The following HS6ST3 variants were observed in gnomAD, a reference collection of about 807,000 sequenced individuals.
HS6ST3 encodes heparan sulfate 6-O-sulfotransferase 3.
HS6ST3 carries 12 observed loss-of-function variants against 36.7 expected under a neutral mutation model. The ratio of observed to expected loss-of-function variants is 0.33; its 90% CI spans 0.21 to 0.53. The LOEUF is 0.53. Among genes scored for constraint, HS6ST3 ranks in the 20% least tolerant of loss-of-function variants. The pLI, the probability that HS6ST3 is intolerant of heterozygous loss-of-function variation, is 0.95. For synonymous variants in HS6ST3, 240 were observed against 257.5 expected, an observed-to-expected ratio of 0.93 and a Z score of 0.65; for missense variants, 584 against 640.9, an observed-to-expected ratio of 0.91 and a Z score of 0.96.
chr13:96,706,237 G>T (rs1875419082), intron 1 of HS6ST3, among the ~76,000 whole-genome samples: 1 of 151,816 alleles, frequency 6.6e-6, no homozygotes, highest in Admixed American at 6.6e-5. Flanking sequence ...ATGAACATTA[G>T]TTCCCGGATG....
intron 1 of HS6ST3, among the ~76,000 whole-genome samples, chr13:96,276,665 T>C (rs1364204516): frequency 1.3e-5 from 2 of 152,224 alleles, no homozygotes; most frequent in Non-Finnish European, 2.9e-5. Flanking sequence ...ATAAGCTCTA[T>C]AATCTTTATT....
chr13:96,482,863 T>A (rs1254196379), intron 1 of HS6ST3, among the ~76,000 whole-genome samples: 2 of 152,230 alleles, frequency 1.3e-5, no homozygotes, highest in East Asian at 3.8e-4. Context: ...CTTTAAGTGA[T>A]TAATTTTTCT....
chr13:96,704,826 A>G (rs1875378486), intron 1 of HS6ST3, among the ~76,000 whole-genome samples: 1 of 152,218 alleles, frequency 6.6e-6, no homozygotes, highest in African/African-American at 2.4e-5. Context: ...TGAGGTTTCT[A>G]TCAGGGATGG....
At chr13:96,554,684 G>C (rs1266544986) in intron 1 of HS6ST3, among the ~76,000 whole-genome samples, 2 of 152,174 alleles carry the variant, frequency 1.3e-5, no homozygotes, top group South Asian at 2.1e-4. Flanking sequence ...TCCAGGCATG[G>C]AGCCTAGGGC....
chr13:96,741,912 T>G lies in HS6ST3; in HGVS notation c.708-90578T>G, dbSNP rs1311537967. Reference sequence around the variant, plus strand: ...GAATACGGGGGTCTGATGACCACACTGCTCCATCCCCTCTTCCCATTCATG... The same window carrying G: ...GAATACGGGGGTCTGATGACCACACGGCTCCATCCCCTCTTCCCATTCATG... On this transcript the variant is annotated intron_variant, in intron 1 of 1. Coordinates refer to ENST00000376705, the MANE Select transcript of HS6ST3 (RefSeq NM_153456.4). 3.3e-5 allele frequency among the ~76,000 whole-genome samples: 5 copies of G among 152,158 alleles called. 1 individual carries two copies. The highest frequency in any genetic ancestry group is 2.0e-4 in the Admixed American group (3 of 15,262).
Position 96,839,399 on chromosome 13 carries a change from A to G in HS6ST3, c.*6201A>G, listed in dbSNP as rs1879015264. ...AAGAGATATTTCCTTTTATTTCTGTACAATAATATGTATGAACTCAGTTAC... is the reference window on the plus strand; with the variant it reads ...AAGAGATATTTCCTTTTATTTCTGTGCAATAATATGTATGAACTCAGTTAC... On this transcript the variant is annotated 3_prime_UTR_variant, in exon 2 of 2. Transcript: ENST00000376705. The G allele has an allele frequency of 6.6e-6, 1 of 152,200 alleles. No individual in the cohort carries two copies. 9.4% of individuals were successfully genotyped at this position (152,200 alleles called of 1,614,324 possible).
At chr13:96,306,726 T>C (rs114351784) in intron 1 of HS6ST3, among the ~76,000 whole-genome samples, 8 of 152,132 alleles carry the variant, frequency 5.3e-5, no homozygotes, top group Admixed American at 2.0e-4. Flanking sequence ...TGTGTGCACA[T>C]TGATAGCTTC....
chr13:96,327,031 T>C (rs2055036076), intron 1 of HS6ST3, among the ~76,000 whole-genome samples: 1 of 143,218 alleles, frequency 7.0e-6, no homozygotes, highest in Non-Finnish European at 1.5e-5. Context: ...GGGTTGTTTG[T>C]TTTTTTCTTG....
chr13:96,770,559 A>C (rs1388678012), intron 1 of HS6ST3, among the ~76,000 whole-genome samples: 1 of 152,234 alleles, frequency 6.6e-6, no homozygotes, highest in African/African-American at 2.4e-5. Context: ...ATGCAAAACA[A>C]AGTGTGCTTG....
At chr13:96,596,488 T>C (rs2056401870) in intron 1 of HS6ST3, among the ~76,000 whole-genome samples, 1 of 152,152 alleles carries the variant, frequency 6.6e-6, no homozygotes, top group African/African-American at 2.4e-5. Context: ...AGTAGTGGGA[T>C]TGTTGGATCA....
chr13:96,754,010 G>T (rs1876764466), intron 1 of HS6ST3, among the ~76,000 whole-genome samples: 1 of 151,972 alleles, frequency 6.6e-6, no homozygotes, highest in African/African-American at 2.4e-5. Context: ...GTAGAGACAG[G>T]GTTTCACCAT....
chr13:96,466,502 C>T (rs1288369338), intron 1 of HS6ST3, among the ~76,000 whole-genome samples: 1 of 152,130 alleles, frequency 6.6e-6, no homozygotes, highest in Non-Finnish European at 1.5e-5. Flanking sequence ...TCCTTTGGTT[C>T]CACATGTAAC....
At chr13:96,447,890 C>T (rs961795238) in intron 1 of HS6ST3, among the ~76,000 whole-genome samples, 1 of 152,190 alleles carries the variant, frequency 6.6e-6, no homozygotes, top group African/African-American at 2.4e-5. Flanking sequence ...GCCTGTTAAA[C>T]TTTCCGCTCC....
chr13:96,433,606 G>A (rs1451924815), intron 1 of HS6ST3, among the ~76,000 whole-genome samples: 1 of 152,162 alleles, frequency 6.6e-6, no homozygotes, highest in Admixed American at 6.5e-5. Flanking sequence ...ATGATTGTGA[G>A]GCTTCCCCAG....
intron 1 of HS6ST3, among the ~76,000 whole-genome samples, chr13:96,617,081 GT>G (rs1474909333): frequency 6.6e-6 from 1 of 152,162 alleles, no homozygotes; most frequent in African/African-American, 2.4e-5. Flanking sequence ...GACTTTTGTA[GT>G]ATGTCATGGA....
chr13:96,239,572 A>G (rs898502289), intron 1 of HS6ST3, among the ~76,000 whole-genome samples: 9 of 152,246 alleles, frequency 5.9e-5, no homozygotes, highest in Non-Finnish European at 1.3e-4. Context: ...ATTAAAGCCA[A>G]TTACACATTT....
intron 1 of HS6ST3, among the ~76,000 whole-genome samples, chr13:96,247,905 G>C (rs2054591571): frequency 6.6e-6 from 1 of 152,090 alleles, no homozygotes; most frequent in Non-Finnish European, 1.5e-5. Flanking sequence ...TAAGGTTATA[G>C]GGATAGGGTT....
At chr13:96,665,615 T>G (rs1286989315) in intron 1 of HS6ST3, among the ~76,000 whole-genome samples, 1 of 151,988 alleles carries the variant, frequency 6.6e-6, no homozygotes, top group Admixed American at 6.6e-5. Flanking sequence ...GGGGCAAAAA[T>G]GTACAAATTT....
At chr13:96,654,411 T>G (rs1043439265) in intron 1 of HS6ST3, among the ~76,000 whole-genome samples, 4 of 152,188 alleles carry the variant, frequency 2.6e-5, no homozygotes, top group Admixed American at 2.6e-4. Flanking sequence ...GGGTCCAGTT[T>G]CTGTTTTCTG....
Sources: gnomAD v4.1 joint callset for allele counts (sites outside exome capture counted in the v4.1 genomes callset) on GRCh38, gnomAD v4.1.1 for gene constraint, MANE v1.5 for transcripts, NCBI Gene and HGNC (gene_info 2026-07-23, HGNC 2026-07-21) for gene names.